CCDC88A: variants seen among roughly 807,000 people sequenced by gnomAD.
CCDC88A encodes the protein girdin.
In CCDC88A, 54 loss-of-function variants were observed where a neutral mutation model predicts 234.3. The observed-to-expected ratio is 0.23, with a 90% CI of 0.19 to 0.29. The LOEUF is 0.29. Ranked by LOEUF, CCDC88A falls within the 10% of genes least tolerant of loss-of-function variation. CCDC88A has a pLI of 1.00. For missense variants in CCDC88A, 1,832 were observed against 2,123.4 expected (o/e 0.86, Z 2.70); for synonymous variants, 753 against 737.8 (o/e 1.02, Z -0.33).
intron 29 of CCDC88A, among the ~76,000 whole-genome samples, chr2:55,297,381 A>AATATATATAATATATATTATATAT (rs1553385829): frequency 1.1e-4 from 11 of 96,828 alleles, no homozygotes; most frequent in African/African-American, 5.8e-4. Context: ...TATTATATAT[A>AATATATATAATATATATTATATAT]AATATATATT....
Position 55,296,383 on chromosome 2 carries a change from G to A in CCDC88A, c.4966C>T (p.Leu1656Phe). Reference protein sequence around the residue: ...LKRQTRSSPVLQHKISETLES... With the variant: ...LKRQTRSSPVFQHKISETLES... ...AGTGTTTCAGATATTTTGTGCTGGA[G>A]CACTGGGCTTGATCTGGTCTGTCTT... Residue 1656 changes from leucine (L) to phenylalanine (F), a missense_variant, in exon 30 of 33, where the codon CTC (leucine) becomes TTC (phenylalanine). Transcript: ENST00000436346. 6.2e-7 allele frequency: 1 copy of A among 1,614,186 alleles called. No homozygotes were observed. Among genetic ancestry groups the A allele is most frequent in the Non-Finnish European group, 8.5e-7 (1 of 1,180,034 alleles).
intron 17 of CCDC88A, among the ~76,000 whole-genome samples, chr2:55,325,429 G>A (rs1684141862): frequency 6.6e-6 from 1 of 152,168 alleles, no homozygotes. Flanking sequence ...AGATTTTTCT[G>A]TGAATTCCTC....
Position 55,334,381 on chromosome 2 carries a change from C to G in CCDC88A, c.2440G>C (p.Glu814Gln), listed in dbSNP as rs1043542107. The G allele has an allele frequency of 6.4e-7, 1 of 1,566,318 alleles. No individual in the cohort carries two copies. Among genetic ancestry groups the G allele is most frequent in the Non-Finnish European group, 8.6e-7 (1 of 1,166,026 alleles). Residue 814 changes from glutamate to glutamine, a missense_variant, in exon 15 of 33, where the codon GAA becomes CAA. Glu to Gln is a conservative substitution (Grantham distance 29). Coordinates refer to ENST00000436346, the MANE Select transcript of CCDC88A (RefSeq NM_001365480.1). This position sits in a 1 kb window ranked among gnomAD's most constrained non-coding sequence, Gnocchi z 6.1. Reference sequence around the variant, plus strand: ...TGCTCTAATGATTTATTTTCTTTTTCCAGCTGTTCTAGTCTTTTGCTAGAT... The same window carrying G: ...TGCTCTAATGATTTATTTTCTTTTTGCAGCTGTTCTAGTCTTTTGCTAGAT... Reference protein sequence around the residue: ...KISSKRLEQLEKENKSLEQET... With the variant: ...KISSKRLEQLQKENKSLEQET...
chr2:55,365,429 G>C (rs1050889549), intron 5 of CCDC88A, among the ~76,000 whole-genome samples: 3 of 152,048 alleles, frequency 2.0e-5, no homozygotes, highest in African/African-American at 7.2e-5. Context: ...ACACAAAACA[G>C]CATAATTATT....
intron 5 of CCDC88A, among the ~76,000 whole-genome samples, chr2:55,364,552 A>G (rs1057256875): frequency 6.6e-6 from 1 of 152,076 alleles, no homozygotes; most frequent in African/African-American, 2.4e-5. Context: ...AATAAAAGAA[A>G]CCCACTTTTG....
intron 31 of CCDC88A, chr2:55,294,320 G>A: frequency 1.0e-6 from 1 of 983,896 alleles, no homozygotes; most frequent in Non-Finnish European, 1.2e-6. Context: ...GAAAAGTGCA[G>A]AGAAGAAACA....
At chr2:55,392,422 T>C (rs1251539610) in intron 2 of CCDC88A, among the ~76,000 whole-genome samples, 1 of 152,238 alleles carries the variant, frequency 6.6e-6, no homozygotes, top group African/African-American at 2.4e-5. Flanking sequence ...TTATTAAGAA[T>C]AAACTGACAG....
chr2:55,367,415 T>C (rs751534964), intron 5 of CCDC88A, among the ~76,000 whole-genome samples: 1 of 152,142 alleles, frequency 6.6e-6, no homozygotes, highest in South Asian at 2.1e-4. Flanking sequence ...TTTCCTATTA[T>C]GTATTTGAAA....
intron 2 of CCDC88A, among the ~76,000 whole-genome samples, chr2:55,402,533 A>G (rs893227255): frequency 2.0e-5 from 3 of 152,182 alleles, no homozygotes; most frequent in African/African-American, 7.2e-5. Context: ...CTGAAACTCT[A>G]TCAATGAACT....
chr2:55,402,714 A>AC (rs1678910334), intron 2 of CCDC88A, among the ~76,000 whole-genome samples: 1 of 151,914 alleles, frequency 6.6e-6, no homozygotes, highest in African/African-American at 2.4e-5. Flanking sequence ...ACTATTTAAA[A>AC]AAAAAAAAAA....
At chr2:55,291,404 C>T (rs576419893) in intron 32 of CCDC88A, 3 of 208,886 alleles carry the variant, frequency 1.4e-5, no homozygotes, top group African/African-American at 6.9e-5. Flanking sequence ...AGGCTTCAAA[C>T]TAAAAAAGTA....
chr2:55,381,405 T>A (rs1461799107), intron 3 of CCDC88A, among the ~76,000 whole-genome samples: 1 of 151,968 alleles, frequency 6.6e-6, no homozygotes, highest in Non-Finnish European at 1.5e-5. Flanking sequence ...ACAACAAAAT[T>A]AGCCGGGTGT....
chr2:55,297,279 TATATA>T, intron 29 of CCDC88A: 1 of 25,960 alleles, frequency 3.9e-5, no homozygotes, highest in African/African-American at 5.6e-5. Flanking sequence ...ATATATATTA[TATATA>T]ATATATATAA....
chr2:55,399,252 G>A (rs543150460), intron 2 of CCDC88A, among the ~76,000 whole-genome samples: 1 of 152,168 alleles, frequency 6.6e-6, no homozygotes, highest in South Asian at 2.1e-4. Flanking sequence ...TTAAAAAGCT[G>A]TCACTCTGGG....
At chr2:55,386,138 A>C (rs1675578651) in intron 3 of CCDC88A, among the ~76,000 whole-genome samples, 1 of 151,840 alleles carries the variant, frequency 6.6e-6, no homozygotes, top group Non-Finnish European at 1.5e-5. Context: ...CAGGAGAATC[A>C]CTTGAACCCA....
intron 31 of CCDC88A, chr2:55,292,397 T>G (rs1393221368): frequency 6.6e-6 from 1 of 152,150 alleles, no homozygotes; most frequent in African/African-American, 2.4e-5. Flanking sequence ...CTCAATTGAG[T>G]CAGAGTTGTT....
chr2:55,374,583 T>C (rs1171964847), intron 4 of CCDC88A, among the ~76,000 whole-genome samples: 3 of 152,188 alleles, frequency 2.0e-5, no homozygotes, highest in East Asian at 1.9e-4. Flanking sequence ...AAGTATCTGT[T>C]TGGTATAGTA....
chr2:55,334,328 CT>C lies in CCDC88A; in HGVS notation c.2492del (p.Lys831ArgfsTer22). On this transcript the variant is annotated frameshift_variant, in exon 15 of 33. Transcript: ENST00000436346. LOFTEE classifies it high-confidence loss of function. This position sits in a 1 kb window ranked among gnomAD's most constrained non-coding sequence, Gnocchi z 6.1. ...EQETSQLEKD[K>X]KQLEKENKRL... ...TCTTATTTTCCTTCTCCAATTGTTTCTTATCCTTTTCCAGTTGAGAAGTCTC... is the reference window on the plus strand; with the variant it reads ...TCTTATTTTCCTTCTCCAATTGTTTCTATCCTTTTCCAGTTGAGAAGTCTC... The C allele has an allele frequency of 2.0e-6, 3 of 1,506,772 alleles. No individual in the cohort carries two copies. Among genetic ancestry groups the C allele is most frequent in the Non-Finnish European group, 2.6e-6 (3 of 1,134,938 alleles). 93.3% of individuals were successfully genotyped at this position (1,506,772 alleles called of 1,614,324 possible).
intron 3 of CCDC88A, among the ~76,000 whole-genome samples, chr2:55,387,644 C>T (rs141586739): frequency 5.9e-4 from 90 of 151,402 alleles, no homozygotes; most frequent in Non-Finnish European, 1.1e-3. Context: ...TAGCTGGACA[C>T]GGTGGTGCAC....
Sources: gnomAD v4.1 joint callset for allele counts (sites outside exome capture counted in the v4.1 genomes callset) on GRCh38, gnomAD v4.1.1 for gene constraint, Gnocchi (gnomAD v3.1) non-coding constraint, MANE v1.5 for transcripts, NCBI Gene and HGNC (gene_info 2026-07-23, HGNC 2026-07-21) for gene names.